Variants in CDKL2 observed in about 807,000 individuals in gnomAD.
CDKL2 encodes the protein cyclin dependent kinase like 2, also known as cyclin-dependent kinase-like 2.
Under a neutral mutation model 63.9 loss-of-function variants are expected in CDKL2, and 64 were observed. The ratio of observed to expected loss-of-function variants is 1.00; its 90% confidence interval spans 0.82 to 1.23. The LOEUF is 1.23. CDKL2 is among the 50% of genes most tolerant of loss of function. The pLI is 0.00. For missense variants in CDKL2, 656 were observed against 668.0 expected (o/e 0.98, Z 0.20); for synonymous variants, 211 against 229.2 (o/e 0.92, Z 0.72).
chr4:75,595,907 C>T (rs970320190), intron 10 of CDKL2, among the ~76,000 whole-genome samples: 21 of 140,692 alleles, frequency 1.5e-4, no homozygotes, highest in East Asian at 6.4e-4. Context: ...GTAGCCTGGG[C>T]AACAGAGCAA....
intron 12 of CDKL2, among the ~76,000 whole-genome samples, chr4:75,591,013 A>G (rs1005074730): frequency 6.6e-6 from 1 of 152,226 alleles, no homozygotes; most frequent in African/African-American, 2.4e-5. Context: ...AAGGTAATAG[A>G]AACACATATA....
At chr4:75,582,290 T>C (rs1425113973) in intron 12 of CDKL2, among the ~76,000 whole-genome samples, 1 of 152,122 alleles carries the variant, frequency 6.6e-6, no homozygotes. Context: ...GAAAACATAC[T>C]TGAAATGAAT....
intron 2 of CDKL2, among the ~76,000 whole-genome samples, chr4:75,621,256 G>T (rs1730143780): frequency 7.8e-6 from 1 of 128,830 alleles, no homozygotes. Context: ...AATGACAAAT[G>T]ACATTATTTG....
At chr4:75,594,273 C>A (rs1728821303) in intron 10 of CDKL2, among the ~76,000 whole-genome samples, 2 of 152,020 alleles carry the variant, frequency 1.3e-5, no homozygotes, top group Admixed American at 1.3e-4. Context: ...CATGGAGAAA[C>A]CCCGCCTCTA....
intron 1 of CDKL2, among the ~76,000 whole-genome samples, chr4:75,627,057 G>T (rs1227625824): frequency 1.3e-5 from 2 of 151,254 alleles, no homozygotes; most frequent in Non-Finnish European, 2.9e-5. Flanking sequence ...ACAAAAATTA[G>T]CCAGGCATGG....
intron 6 of CDKL2, among the ~76,000 whole-genome samples, chr4:75,600,652 G>T (rs775858302): frequency 3.3e-5 from 5 of 152,034 alleles, no homozygotes; most frequent in Admixed American, 2.0e-4. Flanking sequence ...TAGAGACAGC[G>T]TTTCGCCATG....
chr4:75,580,041 G>A (rs1388318280), intron 13 of CDKL2, among the ~76,000 whole-genome samples: 1 of 152,140 alleles, frequency 6.6e-6, no homozygotes, highest in Non-Finnish European at 1.5e-5. Context: ...TGAGGCCAAG[G>A]TGGGCAGATC....
intron 9 of CDKL2, 76 bp downstream of exon 9, chr4:75,596,859 G>T: frequency 8.2e-7 from 1 of 1,212,152 alleles, no homozygotes; most frequent in Non-Finnish European, 1.2e-6. Flanking sequence ...AAAACAATGT[G>T]GATGAATTGA....
At chr4:75,596,196 T>C (rs997477229) in intron 10 of CDKL2, 51 bp downstream of exon 10, 1 of 1,049,616 alleles carries the variant, frequency 9.5e-7, no homozygotes. Flanking sequence ...TTAATAAAAG[T>C]CTAGAGCTGA....
chr4:75,626,060 A>T, intron 1 of CDKL2, 43 bp from the exon 2 acceptor site: 1 of 1,230,040 alleles, frequency 8.1e-7, no homozygotes, highest in Non-Finnish European at 1.2e-6. Context: ...TGAGTACGTT[A>T]ATTTCCTCCG....
At position 75,599,267 on chromosome 4, in the gene CDKL2, G is replaced by T. The variant is rs1578328400; in HGVS notation, c.884+1014C>A. Among the ~76,000 whole-genome samples, 3 of 152,066 alleles carry T rather than the reference G, an allele frequency of 2.0e-5. No homozygotes were observed. The East Asian group carries it at 5.8e-4, about 29-fold the overall frequency. The stretch of plus-strand genomic sequence containing the variant: ...ATTCCACAATGCAACCAGCCTTTAA[G>T]AAACTACCACTGGGCCAGGAACGGT... On this transcript the variant is annotated intron_variant, in intron 7 of 13. Transcript: ENST00000307465.
At chr4:75,616,616 C>T (rs867216331) in intron 2 of CDKL2, among the ~76,000 whole-genome samples, 1 of 150,506 alleles carries the variant, frequency 6.6e-6, no homozygotes, top group South Asian at 2.1e-4. Flanking sequence ...AGGAGAATCG[C>T]TTGAACCCAG....
chr4:75,600,545 A>G (rs537416591), intron 6 of CDKL2, among the ~76,000 whole-genome samples, 176 bp from the exon 7 acceptor site: 1 of 152,030 alleles, frequency 6.6e-6, no homozygotes, highest in Admixed American at 6.6e-5. Context: ...CGCAGCCTTG[A>G]CCTCTCTAGG....
chr4:75,597,860 C>T (rs1235155221), intron 8 of CDKL2, among the ~76,000 whole-genome samples: 1 of 152,136 alleles, frequency 6.6e-6, no homozygotes, highest in Non-Finnish European at 1.5e-5. Flanking sequence ...GTGATTTAAG[C>T]ACTGTTGCAC....
intron 2 of CDKL2, among the ~76,000 whole-genome samples, chr4:75,625,052 C>T (rs935649148): frequency 1.3e-5 from 2 of 152,108 alleles, no homozygotes; most frequent in Non-Finnish European, 2.9e-5. Context: ...AAGACTTTAA[C>T]ATATTTCTTC....
chr4:75,590,260 C>G lies in CDKL2; in HGVS notation c.1647+1559G>C, dbSNP rs62320981. ...TGACAGTGATTATCTCTTCACATGA[C>G]AGGAATTTGTTCAGTTTTAATTAAA... On this transcript the variant is annotated intron_variant, in intron 12 of 13. Coordinates refer to ENST00000307465, the MANE Select transcript of CDKL2 (RefSeq NM_001330724.2). Among the ~76,000 whole-genome samples the G allele has an allele frequency of 9.8e-3, 1,488 of 152,300 alleles. 9 individuals carry two copies. Among genetic ancestry groups the G allele is most frequent in the Non-Finnish European group, 0.016 (1,097 of 68,028 alleles).
At chr4:75,589,819 A>G (rs1176965847) in intron 12 of CDKL2, among the ~76,000 whole-genome samples, 7 of 152,150 alleles carry the variant, frequency 4.6e-5, no homozygotes, top group Non-Finnish European at 1.0e-4. Flanking sequence ...TCTCTAAAAA[A>G]AAAAAAAATT....
intron 2 of CDKL2, among the ~76,000 whole-genome samples, chr4:75,619,460 G>A (rs1183679850): frequency 2.0e-5 from 3 of 151,862 alleles, no homozygotes; most frequent in South Asian, 2.1e-4. Flanking sequence ...GGTTTGTAGA[G>A]TGGCCAGCAG....
intron 12 of CDKL2, among the ~76,000 whole-genome samples, chr4:75,589,196 G>A (rs1317733624): frequency 6.6e-6 from 1 of 151,476 alleles, no homozygotes; most frequent in Non-Finnish European, 1.5e-5. Context: ...AAATTAAATT[G>A]ACAATACCAA....
Sources: allele counts gnomAD v4.1 joint callset (sites outside exome capture counted in the v4.1 genomes callset), GRCh38; gene constraint gnomAD v4.1.1; transcripts MANE v1.5; gene names NCBI Gene and HGNC (gene_info 2026-07-23, HGNC 2026-07-21).